TMEM242: variants seen among roughly 807,000 people sequenced by gnomAD.
TMEM242 encodes the protein UPF0463 transmembrane protein C6orf35.
TMEM242 carries 10 observed loss-of-function variants against 18.2 expected under a neutral mutation model. That is an observed-to-expected ratio of 0.55 (90% confidence interval 0.34 to 0.93). The LOEUF (loss-of-function observed/expected upper bound fraction) is 0.93, where lower values mean the gene tolerates loss of function less well. Among genes scored for constraint, TMEM242 ranks in the 40% least tolerant of loss-of-function variants. The pLI, the probability that TMEM242 is intolerant of heterozygous loss-of-function variation, is 0.02. For missense variants in TMEM242, 186 were observed against 175.5 expected (o/e 1.06, Z -0.34); for synonymous variants, 57 against 69.9 (o/e 0.81, Z 0.92).
chr6:157,292,440 T>C lies in TMEM242; in HGVS notation c.*461A>G, dbSNP rs1395222830. The C allele has an allele frequency of 1.3e-5, 2 of 152,768 alleles. No individual in the cohort carries two copies. The highest frequency in any genetic ancestry group is 4.8e-5 in the African/African-American group (2 of 41,466). 9.5% of individuals were successfully genotyped at this position (152,768 alleles called of 1,614,324 possible). ...GACTTACCAGGTGACTGTCACTTTG[T>C]AGTCTGGCTAATCAGAATAAGACTT... On this transcript the variant is annotated 3_prime_UTR_variant, in exon 4 of 4. Transcript: ENST00000400788.
intron 3 of TMEM242, among the ~76,000 whole-genome samples, chr6:157,313,522 GTCATCTGGCGTCA>G (rs1239432716): frequency 6.0e-4 from 25 of 41,580 alleles, no homozygotes; most frequent in Admixed American, 3.8e-3. Flanking sequence ...CCAGTGTGCA[GTCATCTGGCGTCA>G]TCATAGTGCC....
chr6:157,312,580 C>T (rs1583569431), intron 3 of TMEM242, among the ~76,000 whole-genome samples: 1 of 133,568 alleles, frequency 7.5e-6, no homozygotes, highest in Non-Finnish European at 1.6e-5. Flanking sequence ...GCTCACCCGG[C>T]CTCATCATAG....
chr6:157,310,917 T>A (rs1562382338), intron 3 of TMEM242, among the ~76,000 whole-genome samples: 1 of 152,272 alleles, frequency 6.6e-6, no homozygotes. Context: ...TGCCCCAGTG[T>A]GCACTCACCT....
rs1204246208 is a variant in TMEM242 at position 157,305,126 on chromosome 6, G to GA, written c.328-12128dup. On this transcript the variant is annotated intron_variant, in intron 3 of 3. Coordinates refer to ENST00000400788, the MANE Select transcript of TMEM242 (RefSeq NM_018452.6). The surrounding 1 kb of genome is among the most constrained non-coding windows in gnomAD (Gnocchi z 4.1). ...AAAATATCTCTGGCTGCTGTGTGGA[G>GA]AAAAAATTCTAGAAGGAATAAGGAA... 6.6e-6 allele frequency among the ~76,000 whole-genome samples: 1 copy of GA among 152,092 alleles called. No individual in the cohort carries two copies. Among genetic ancestry groups the GA allele is most frequent in the Non-Finnish European group, 1.5e-5 (1 of 68,024 alleles).
chr6:157,310,986 G>T (rs868927640), intron 3 of TMEM242, among the ~76,000 whole-genome samples: 2 of 708 alleles, frequency 2.8e-3, no homozygotes, highest in African/African-American at 0.013. Flanking sequence ...GTCCCAGTAT[G>T]CGCTAACCTA....
At chr6:157,308,736 C>G (rs1583560810) in intron 3 of TMEM242, among the ~76,000 whole-genome samples, 1 of 146,992 alleles carries the variant, frequency 6.8e-6, no homozygotes. Context: ...AGGAGAGATA[C>G]AGGAAGAAAG....
intron 3 of TMEM242, among the ~76,000 whole-genome samples, chr6:157,307,178 C>T (rs1396729849): frequency 6.6e-6 from 1 of 152,190 alleles, no homozygotes; most frequent in Admixed American, 6.5e-5. Flanking sequence ...TTAGAGAGAT[C>T]TGCTCATGTG....
intron 3 of TMEM242, among the ~76,000 whole-genome samples, chr6:157,302,554 A>C (rs587623650): frequency 2.6e-5 from 4 of 152,332 alleles, no homozygotes; most frequent in Non-Finnish European, 5.9e-5. Context: ...GGGAAAAAAA[A>C]CTGTTCAAAA....
At chr6:157,299,250 G>C (rs1583556859) in intron 3 of TMEM242, 3 of 739,524 alleles carry the variant, frequency 4.1e-6, no homozygotes. Context: ...ATCAGCTACA[G>C]ATAGGCCAAT....
intron 3 of TMEM242, among the ~76,000 whole-genome samples, chr6:157,314,392 G>T (rs903205417): frequency 0.24 from 66 of 278 alleles, no homozygotes; most frequent in African/African-American, 0.41. Flanking sequence ...GTACACAGCT[G>T]ATTTAGGAGA....
At chr6:157,312,098 C>G (rs781843868) in intron 3 of TMEM242, among the ~76,000 whole-genome samples, 346 of 3,072 alleles carry the variant, frequency 0.11, 10 homozygotes, top group Non-Finnish European at 0.14. Context: ...GCCCTAGTGT[C>G]CCCTCACCTA....
chr6:157,299,664 T>C (rs1777800504), intron 3 of TMEM242: 1 of 1,610,200 alleles, frequency 6.2e-7, no homozygotes, highest in Admixed American at 1.7e-5. Context: ...AACTTGAAGA[T>C]GGCCACATTT....
At chr6:157,318,526 TG>T in intron 3 of TMEM242, 1 of 473,334 alleles carries the variant, frequency 2.1e-6, no homozygotes, top group East Asian at 3.4e-5. Context: ...CTCGCCCTAA[TG>T]TCAATTTATA....
chr6:157,310,768 T>C (rs2128414634), intron 3 of TMEM242, among the ~76,000 whole-genome samples: 2 of 108,250 alleles, frequency 1.8e-5, no homozygotes, highest in African/African-American at 7.1e-5. Context: ...GGCCTCATCA[T>C]AGGGTCCCAG....
chr6:157,320,416 T>C (rs587747103), intron 2 of TMEM242, among the ~76,000 whole-genome samples: 36 of 152,356 alleles, frequency 2.4e-4, no homozygotes, highest in African/African-American at 8.2e-4. Context: ...AAAATTACTT[T>C]TCCAAAACAA....
intron 3 of TMEM242, among the ~76,000 whole-genome samples, chr6:157,312,319 TTATAGTGCCCC>T (rs1778171899): frequency 6.8e-6 from 1 of 147,906 alleles, no homozygotes; most frequent in Non-Finnish European, 1.5e-5. Context: ...TCTGACCTCA[TTATAGTGCCCC>T]AGTGTGCAAT....
intron 3 of TMEM242, among the ~76,000 whole-genome samples, chr6:157,312,899 TC>T (rs1778226645): frequency 5.1e-5 from 1 of 19,666 alleles, no homozygotes; most frequent in Non-Finnish European, 1.2e-4. Flanking sequence ...CATCATAGTG[TC>T]CCACTGTGCG....
rs191257599 is a variant in TMEM242 at position 157,291,608 on chromosome 6, G to A, written c.*1293C>T. 1 of 152,240 alleles carries A rather than the reference G, an allele frequency of 6.6e-6. No individual in the cohort carries two copies. The highest frequency in any genetic ancestry group is 6.5e-5 in the Admixed American group (1 of 15,296). 9.4% of individuals were successfully genotyped at this position (152,240 alleles called of 1,614,324 possible). A position where few individuals can be genotyped will look rare whatever the true frequency, so the allele number is the denominator to read the frequency against. ...TTCACAATCCTTTCCTTTCAGTCTT[G>A]GATTTTTAACAGATTACATATGAAT... On this transcript the variant is annotated 3_prime_UTR_variant, in exon 4 of 4. Transcript: ENST00000400788.
chr6:157,293,016 A>T lies in TMEM242; in HGVS notation c.328-17T>A, dbSNP rs1554246936. The T allele has an allele frequency of 6.3e-7, 1 of 1,584,246 alleles. No homozygotes were observed. Among genetic ancestry groups the T allele is most frequent in the African/African-American group, 1.3e-5 (1 of 74,272 alleles). On this transcript the variant is annotated splice_polypyrimidine_tract_variant and intron_variant, in intron 3 of 3. Transcript: ENST00000400788. ...GTCGTTCATCTAAAAGAAGAAAAAT[A>T]ATCAGTTATCAAATGTTAAAAGAAG... is the stretch of plus-strand genomic sequence containing the variant.
Sources: allele counts gnomAD v4.1 joint callset (sites outside exome capture counted in the v4.1 genomes callset), GRCh38; gene constraint gnomAD v4.1.1; non-coding constraint Gnocchi (gnomAD v3.1); transcripts MANE v1.5; gene names NCBI Gene and HGNC (gene_info 2026-07-23, HGNC 2026-07-21).